TECPR2: variants seen among roughly 807,000 people sequenced by gnomAD.
TECPR2 encodes the protein tectonin beta-propeller repeat-containing protein 2.
In TECPR2, 65 loss-of-function variants were observed where a neutral mutation model predicts 138.1. The observed-to-expected ratio is 0.47, with a 90% CI of 0.39 to 0.58. TECPR2 has a LOEUF of 0.58. TECPR2 is among the 20% of genes least tolerant of loss of function. The pLI, the probability that TECPR2 is intolerant of heterozygous loss-of-function variation, is 0.00. For missense variants in TECPR2, 1,553 were observed against 1,824.5 expected, an observed-to-expected ratio of 0.85 and a Z score of 2.71; for synonymous variants, 746 against 749.8, an observed-to-expected ratio of 0.99 and a Z score of 0.08.
intron 2 of TECPR2, among the ~76,000 whole-genome samples, chr14:102,398,934 A>ACCGT (rs1359433590): frequency 6.6e-6 from 1 of 151,912 alleles, no homozygotes; most frequent in Non-Finnish European, 1.5e-5. Flanking sequence ...TATACAAGGG[A>ACCGT]CCCCCAATAA....
rs77266417 is a variant in TECPR2, at chr14:102,385,441, A to C, written c.219+8501A>C. 6.1e-3 allele frequency among the ~76,000 whole-genome samples: 934 copies of C among 151,938 alleles called. 13 individuals carry two copies. The highest frequency in any genetic ancestry group is 0.022 in the African/African-American group (886 of 41,202). On this transcript the variant is annotated intron_variant, in intron 2 of 19. Coordinates refer to ENST00000359520, the MANE Select transcript of TECPR2 (RefSeq NM_014844.5). ...CATCTAAACCATAGCAGATATGATA[A>C]GTCACGTGAGCTTTGAAGGACTGTG...
intron 2 of TECPR2, among the ~76,000 whole-genome samples, chr14:102,381,109 C>A (rs774172217): frequency 5.9e-5 from 9 of 151,792 alleles, no homozygotes; most frequent in Admixed American, 3.3e-4. Flanking sequence ...TACAGGCACA[C>A]GCCACCAAGC....
Position 102,500,890 on chromosome 14 carries a change from T to A in TECPR2, c.*2633T>A, listed in dbSNP as rs1159723859. On this transcript the variant is annotated 3_prime_UTR_variant, in exon 20 of 20. Transcript: ENST00000359520. The stretch of plus-strand genomic sequence containing the variant: ...AGAGCCCTGCAAGGGGAAGTCTCAT[T>A]AGCCCCTTGAGACTCAGAGAGGTTA... The A allele has an allele frequency of 1.3e-5, 2 of 152,290 alleles. No individual in the cohort carries two copies. Among genetic ancestry groups the A allele is most frequent in the African/African-American group, 2.4e-5 (1 of 41,462 alleles). 9.4% of individuals were successfully genotyped at this position (152,290 alleles called of 1,614,324 possible).
chr14:102,420,180 C>T lies in TECPR2; in HGVS notation c.639-4799C>T, dbSNP rs184162174. On this transcript the variant is annotated intron_variant, in intron 5 of 19. Transcript: ENST00000359520. This position sits in a 1 kb window ranked among gnomAD's most constrained non-coding sequence, Gnocchi z 4.1. ...CCAGAACACACTCCTTACATATCAACGTGGTCTATAAAGGGAATTAAAATT... is the reference window on the plus strand; with the variant it reads ...CCAGAACACACTCCTTACATATCAATGTGGTCTATAAAGGGAATTAAAATT... 5.3e-5 allele frequency among the ~76,000 whole-genome samples: 8 copies of T among 152,262 alleles called. No homozygotes were observed. In the East Asian group the frequency reaches 9.6e-4, roughly 18 times the overall value.
Position 102,431,802 on chromosome 14 carries a change from A to G in TECPR2, c.1091A>G (p.Asp364Gly), listed in dbSNP as rs376771377. The G allele has an allele frequency of 4.5e-6, 7 of 1,554,812 alleles. No individual in the cohort carries two copies. The African/African-American group carries it at 9.6e-5, about 21-fold the overall frequency. Residue 364 changes from aspartate to glycine, a missense_variant, in exon 8 of 20, where the codon GAT becomes GGT. By Grantham distance (94) the Asp-to-Gly change is moderately conservative (BLOSUM62 -1). Coordinates refer to ENST00000359520, the MANE Select transcript of TECPR2 (RefSeq NM_014844.5). Reference protein sequence around the residue: ...RPEGLTSTVRDGLEMSGCSER... With the variant: ...RPEGLTSTVRGGLEMSGCSER... The stretch of plus-strand genomic sequence containing the variant: ...CCAGACTCTTCTTTCTTAGTGAGAG[A>G]TGGTCTGGAGATGTCTGGATGCTCA...
intron 2 of TECPR2, among the ~76,000 whole-genome samples, chr14:102,378,245 G>T (rs954944584): frequency 6.6e-6 from 1 of 152,094 alleles, no homozygotes; most frequent in African/African-American, 2.4e-5. Context: ...ACAAATACTT[G>T]TGTTTTAATC....
At chr14:102,456,628 T>C (rs1258016161) in intron 16 of TECPR2, among the ~76,000 whole-genome samples, 4 of 151,006 alleles carry the variant, frequency 2.6e-5, no homozygotes, top group African/African-American at 9.8e-5. Context: ...CTCGCTCTGT[T>C]GCCCAGGCTG....
chr14:102,434,689 G>C lies in TECPR2; in HGVS notation c.1872G>C (p.Ala624=). Residue 624 remains alanine (A), a synonymous_variant, in exon 9 of 20, where the codon GCG becomes GCC. Coordinates refer to ENST00000359520, the MANE Select transcript of TECPR2 (RefSeq NM_014844.5). ...PFQEQDSSPG[A]HDGEDIQPIG... is the part of the protein sequence containing the mutation. ...AAGAACAGGACAGCTCTCCTGGGGC[G>C]CATGATGGGGAAGACATCCAACCCA... The C allele has an allele frequency of 6.2e-7, 1 of 1,613,100 alleles. No individual in the cohort carries two copies. Among genetic ancestry groups the C allele is most frequent in the Admixed American group, 1.7e-5 (1 of 59,932 alleles).
chr14:102,380,673 G>T (rs147042896), intron 2 of TECPR2, among the ~76,000 whole-genome samples: 1,583 of 152,220 alleles, frequency 0.01, 30 homozygotes, highest in African/African-American at 0.036. Context: ...GCATTTTTTT[G>T]GTTTTTTGTT....
chr14:102,395,921 T>C (rs1888302596), intron 2 of TECPR2, among the ~76,000 whole-genome samples: 1 of 152,198 alleles, frequency 6.6e-6, no homozygotes, highest in African/African-American at 2.4e-5. Context: ...CATCATCTTA[T>C]AACCCTCTCA....
chr14:102,366,216 C>T (rs1165726037), intron 1 of TECPR2, among the ~76,000 whole-genome samples: 1 of 152,026 alleles, frequency 6.6e-6, no homozygotes, highest in Non-Finnish European at 1.5e-5. Flanking sequence ...CTGCCACCTT[C>T]CAGGGTTATG....
chr14:102,431,092 C>T (rs1889459352), intron 7 of TECPR2, among the ~76,000 whole-genome samples: 1 of 140,996 alleles, frequency 7.1e-6, no homozygotes. Flanking sequence ...GGCATGATCT[C>T]AGCTCACTGC....
chr14:102,497,268 A>G (rs1231981542), intron 18 of TECPR2, 148 bp downstream of exon 18: 2 of 1,356,320 alleles, frequency 1.5e-6, no homozygotes, highest in Admixed American at 2.8e-5. Flanking sequence ...GCCAGGGGAC[A>G]AGCCTCCCAT....
At chr14:102,472,891 C>T (rs994112797) in intron 17 of TECPR2, among the ~76,000 whole-genome samples, 3 of 152,232 alleles carry the variant, frequency 2.0e-5, no homozygotes, top group East Asian at 1.9e-4. Flanking sequence ...CTGAGGAAGG[C>T]GCTTCTCCCG....
chr14:102,414,272 A>G (rs1888961666), intron 4 of TECPR2, among the ~76,000 whole-genome samples: 1 of 152,214 alleles, frequency 6.6e-6, no homozygotes, highest in African/African-American at 2.4e-5. Context: ...ATTTCTGTTT[A>G]GATCTTTATG....
intron 10 of TECPR2, among the ~76,000 whole-genome samples, chr14:102,439,461 TAAC>T (rs1889771817): frequency 1.3e-5 from 2 of 152,364 alleles, no homozygotes; most frequent in South Asian, 4.1e-4. Context: ...AGAGACTGGC[TAAC>T]AACCCACTCC....
chr14:102,412,123 CTTTTTTTTTTTTTT>C (rs751930335), intron 4 of TECPR2, among the ~76,000 whole-genome samples: 1 of 90,672 alleles, frequency 1.1e-5, no homozygotes, highest in Non-Finnish European at 2.1e-5. Context: ...AATGTTGACA[CTTTTTTTTTTTTTT>C]TTTTTTTTTT....
rs934205379 is a variant in TECPR2 at position 102,372,583 on chromosome 14, A to G, written c.-72-4067A>G. ...CGCCCAGCCTTCTTTGTGCTTTTCT[A>G]TATTAACAAATTTTTGAGGCCGGGC... On this transcript the variant is annotated intron_variant, in intron 1 of 19. Coordinates refer to ENST00000359520, the MANE Select transcript of TECPR2 (RefSeq NM_014844.5). Among the ~76,000 whole-genome samples, 3 of 152,138 alleles carry G rather than the reference A, an allele frequency of 2.0e-5. No homozygotes were observed. In the South Asian group the frequency reaches 6.2e-4, roughly 32 times the overall value.
intron 17 of TECPR2, among the ~76,000 whole-genome samples, chr14:102,491,349 G>A (rs1193255700): frequency 6.6e-6 from 1 of 152,190 alleles, no homozygotes; most frequent in Non-Finnish European, 1.5e-5. Context: ...CTAAGTAGCT[G>A]GGACTATAGG....
Sources: allele counts gnomAD v4.1 joint callset (sites outside exome capture counted in the v4.1 genomes callset), GRCh38; gene constraint gnomAD v4.1.1; non-coding constraint Gnocchi (gnomAD v3.1); transcripts MANE v1.5; gene names NCBI Gene and HGNC (gene_info 2026-07-23, HGNC 2026-07-21).